The following ARHGAP26 variants were observed in gnomAD, a reference collection of about 807,000 sequenced individuals.
ARHGAP26 encodes the protein Rho GTPase activating protein 26, also known as rho GTPase-activating protein 26.
Under a neutral mutation model 104.8 loss-of-function variants are expected in ARHGAP26, and 38 were observed. The observed-to-expected ratio is 0.36, with a 90% CI of 0.28 to 0.48. The LOEUF (loss-of-function observed/expected upper bound fraction) is 0.48, where lower values mean the gene tolerates loss of function less well. ARHGAP26 is among the 20% of genes least tolerant of loss of function. ARHGAP26 has a pLI of 0.99. For synonymous variants in ARHGAP26, 341 were observed against 340.0 expected, an observed-to-expected ratio of 1.00 and a Z score of -0.03; for missense variants, 704 against 947.9, an observed-to-expected ratio of 0.74 and a Z score of 3.38.
At chr5:142,961,410 C>T (rs568774021) in intron 11 of ARHGAP26, among the ~76,000 whole-genome samples, 5 of 152,072 alleles carry the variant, frequency 3.3e-5, no homozygotes, top group Non-Finnish European at 7.4e-5. Flanking sequence ...GAGGATTGAT[C>T]GAGGTTGGGA....
chr5:142,829,635 A>G (rs746950989), intron 1 of ARHGAP26, among the ~76,000 whole-genome samples: 34 of 152,236 alleles, frequency 2.2e-4, no homozygotes, highest in Non-Finnish European at 4.8e-4. Context: ...AAAACAAACC[A>G]AGAATTTCAA....
chr5:143,213,165 T>C (rs903437276), intron 21 of ARHGAP26, among the ~76,000 whole-genome samples: 1 of 152,148 alleles, frequency 6.6e-6, no homozygotes, highest in Non-Finnish European at 1.5e-5. Flanking sequence ...CAAAAACTAC[T>C]GATGCCTGTA....
At chr5:142,919,243 C>T (rs950124129) in intron 10 of ARHGAP26, 10 of 398,388 alleles carry the variant, frequency 2.5e-5, no homozygotes, top group East Asian at 1.1e-4. Context: ...GACATGTACA[C>T]GAGAAGATAC....
At chr5:142,860,388 G>A (rs999777212) in intron 1 of ARHGAP26, 3 of 152,180 alleles carry the variant, frequency 2.0e-5, no homozygotes, top group Non-Finnish European at 4.4e-5. Context: ...AATATTTGCA[G>A]GCTCAGAGAA....
At chr5:143,024,222 G>A (rs1050545909) in intron 12 of ARHGAP26, among the ~76,000 whole-genome samples, 5 of 152,094 alleles carry the variant, frequency 3.3e-5, no homozygotes, top group African/African-American at 1.2e-4. Flanking sequence ...TGAGACCCTG[G>A]CCCCCAAAGC....
At chr5:142,945,361 C>G (rs1303925058) in intron 11 of ARHGAP26, among the ~76,000 whole-genome samples, 1 of 152,212 alleles carries the variant, frequency 6.6e-6, no homozygotes, top group Admixed American at 6.5e-5. Context: ...AGTCTCTGTT[C>G]TGCCTGCTCT....
At chr5:143,123,400 C>G (rs911688470) in intron 18 of ARHGAP26, among the ~76,000 whole-genome samples, 1 of 152,236 alleles carries the variant, frequency 6.6e-6, no homozygotes, top group Admixed American at 6.5e-5. Flanking sequence ...GTGTTCAACT[C>G]ACAGCAATTC....
At chr5:143,120,417 T>G (rs1043332296) in intron 17 of ARHGAP26, among the ~76,000 whole-genome samples, 3 of 152,248 alleles carry the variant, frequency 2.0e-5, no homozygotes, top group South Asian at 4.1e-4. Context: ...GTTTATGCCC[T>G]GTTTCACTTA....
In ARHGAP26 at chr5:143,057,688, T is replaced by G; in HGVS notation, c.1479T>G (p.Val493=). Residue 493 remains valine, a synonymous_variant, in exon 17 of 23, where the codon GTT becomes GTG. Coordinates refer to ENST00000645722, the MANE Select transcript of ARHGAP26 (RefSeq NM_001135608.3). The stretch of plus-strand genomic sequence containing the variant: ...GGGTCTCTGAAATCCACAGCCTTGT[T>G]CATCGGCTCCCAGAGAAAAATCGGC... ...ESRVSEIHSL[V]HRLPEKNRQM... is the part of the protein sequence containing the mutation. 6.2e-7 allele frequency: 1 copy of G among 1,614,034 alleles called. No homozygotes were observed. Among genetic ancestry groups the G allele is most frequent in the Non-Finnish European group, 8.5e-7 (1 of 1,179,902 alleles).
intron 17 of ARHGAP26, among the ~76,000 whole-genome samples, chr5:143,087,636 C>CTTTTTTT (rs35201189): frequency 0.011 from 542 of 51,562 alleles, 161 homozygotes; most frequent in Non-Finnish European, 0.013. Context: ...CTGGCCCATT[C>CTTTTTTT]TTTTTTTTTT....
At chr5:142,996,172 C>T (rs554899150) in intron 11 of ARHGAP26, among the ~76,000 whole-genome samples, 2 of 152,150 alleles carry the variant, frequency 1.3e-5, no homozygotes, top group Admixed American at 1.3e-4. Flanking sequence ...CACATGTATC[C>T]CAGAACTTAA....
At chr5:143,208,235 G>A (rs1349468290) in intron 21 of ARHGAP26, among the ~76,000 whole-genome samples, 2 of 152,190 alleles carry the variant, frequency 1.3e-5, no homozygotes, top group African/African-American at 4.8e-5. Context: ...TAGGGATCCT[G>A]CAGAATTCCT....
At chr5:143,002,068 C>T (rs1292313891) in intron 11 of ARHGAP26, among the ~76,000 whole-genome samples, 3 of 152,122 alleles carry the variant, frequency 2.0e-5, no homozygotes, top group Admixed American at 6.5e-5. Context: ...CGATCATGAA[C>T]GTGCTTTGAG....
At chr5:143,040,156 G>A (rs988225287) in intron 13 of ARHGAP26, among the ~76,000 whole-genome samples, 4 of 152,212 alleles carry the variant, frequency 2.6e-5, no homozygotes, top group African/African-American at 9.6e-5. Flanking sequence ...AAGCCCACAA[G>A]CTGACATGTT....
intron 11 of ARHGAP26, among the ~76,000 whole-genome samples, chr5:142,944,394 A>T (rs1452519082): frequency 6.6e-6 from 1 of 152,238 alleles, no homozygotes; most frequent in Non-Finnish European, 1.5e-5. Flanking sequence ...TCTAGGATAC[A>T]TATCAAGTGG....
chr5:142,943,236 G>A (rs1469934352), intron 11 of ARHGAP26, among the ~76,000 whole-genome samples: 1 of 152,174 alleles, frequency 6.6e-6, no homozygotes, highest in Non-Finnish European at 1.5e-5. Flanking sequence ...GGTTGGCTTG[G>A]CATGACTTCC....
rs181884886 is a variant in ARHGAP26 at position 143,098,553 on chromosome 5, A to G, written c.1539-22435A>G. 4.6e-5 allele frequency among the ~76,000 whole-genome samples: 7 copies of G among 152,320 alleles called. No homozygotes were observed. The East Asian group carries it at 1.2e-3, about 25-fold the overall frequency. Reference sequence around the variant, plus strand: ...CTACATTAGCTGAATTATTTTATCTAGAAAAGAGAAAGACCAATTCTTTAT... The same window carrying G: ...CTACATTAGCTGAATTATTTTATCTGGAAAAGAGAAAGACCAATTCTTTAT... On this transcript the variant is annotated intron_variant, in intron 17 of 22. Coordinates refer to ENST00000645722, the MANE Select transcript of ARHGAP26 (RefSeq NM_001135608.3).
intron 17 of ARHGAP26, among the ~76,000 whole-genome samples, chr5:143,062,010 T>C (rs896536145): frequency 6.6e-6 from 1 of 152,194 alleles, no homozygotes; most frequent in African/African-American, 2.4e-5. Flanking sequence ...TCTGAGCCAC[T>C]TGTGGGAGGA....
At chr5:143,162,188 C>T (rs1801318810) in intron 20 of ARHGAP26, among the ~76,000 whole-genome samples, 1 of 151,722 alleles carries the variant, frequency 6.6e-6, no homozygotes, top group African/African-American at 2.4e-5. Context: ...ATATACTGTG[C>T]CTTACAGCAT....
Sources: allele counts gnomAD v4.1 joint callset (sites outside exome capture counted in the v4.1 genomes callset), GRCh38; gene constraint gnomAD v4.1.1; transcripts MANE v1.5; gene names NCBI Gene and HGNC (gene_info 2026-07-23, HGNC 2026-07-21).